The following WNK3 variants were observed in gnomAD, a reference collection of about 807,000 sequenced individuals.
WNK3 encodes the protein WNK lysine deficient protein kinase 3.
Under a neutral mutation model 116.7 loss-of-function variants are expected in WNK3, and 18 were observed. The observed-to-expected ratio is 0.15, with a 90% CI of 0.11 to 0.23. The LOEUF (loss-of-function observed/expected upper bound fraction) is 0.23, where lower values mean the gene tolerates loss of function less well. Among genes scored for constraint, WNK3 ranks in the 10% least tolerant of loss-of-function variants. The pLI is 1.00. For synonymous variants in WNK3, 404 were observed against 469.4 expected, an observed-to-expected ratio of 0.86 and a Z score of 1.80; for missense variants, 993 against 1,323.8, an observed-to-expected ratio of 0.75 and a Z score of 3.88.
At chrX:54,282,715 A>G (rs1557162816) in intron 10 of WNK3, among the ~76,000 whole-genome samples, 1 of 111,649 alleles carries the variant, frequency 9.0e-6, no homozygotes, top group Admixed American at 9.5e-5. Flanking sequence ...AGGCTATTCA[A>G]TGGGTGAATA....
At chrX:54,305,299 T>C (rs937781491) in intron 5 of WNK3, among the ~76,000 whole-genome samples, 16 of 112,052 alleles carry the variant, frequency 1.4e-4, no homozygotes, top group African/African-American at 5.2e-4. Context: ...GAAATAACCA[T>C]ACAATGAGTG....
intron 10 of WNK3, among the ~76,000 whole-genome samples, chrX:54,264,092 G>T (rs782357446): frequency 9.2e-6 from 1 of 108,312 alleles, no homozygotes; most frequent in African/African-American, 3.3e-5. Context: ...CAGCACTTTG[G>T]GAGGCTGAGG....
At position 54,209,805 on chromosome X, in the gene WNK3, C is replaced by G. The variant is rs973532152; in HGVS notation, c.4871-7612G>C. ...ACCTCAGGTGATCTGCTCACCTCAG[C>G]CTCCCCAAGTGTTGGGATTACAAGC... On this transcript the variant is annotated intron_variant, in intron 22 of 23. Transcript: ENST00000354646. 1.8e-4 allele frequency among the ~76,000 whole-genome samples: 20 copies of G among 110,497 alleles called. No homozygotes were observed. In the Admixed American group the frequency reaches 1.9e-3, roughly 10 times the overall value.
chrX:54,263,312 C>T (rs1187419250), intron 10 of WNK3, among the ~76,000 whole-genome samples: 10 of 112,089 alleles, frequency 8.9e-5, no homozygotes, highest in African/African-American at 2.9e-4. Context: ...GCATATCTCT[C>T]CCCTGAAGTA....
chrX:54,299,263 CATG>C (rs1388663476), intron 6 of WNK3, among the ~76,000 whole-genome samples: 1 of 111,194 alleles, frequency 9.0e-6, no homozygotes, highest in African/African-American at 3.3e-5. Context: ...ATATACACAG[CATG>C]ATATCCTGTA....
chrX:54,241,850 A>G (rs1569536381), intron 17 of WNK3, among the ~76,000 whole-genome samples: 2 of 109,117 alleles, frequency 1.8e-5, no homozygotes, highest in East Asian at 5.8e-4. Flanking sequence ...GCTACTTGGG[A>G]GGCTGAGGCA....
At chrX:54,235,278 A>C (rs2067949500) in intron 20 of WNK3, among the ~76,000 whole-genome samples, 1 of 111,689 alleles carries the variant, frequency 9.0e-6, no homozygotes, top group Non-Finnish European at 1.9e-5. Context: ...AACTTGACTA[A>C]AATCCAGCTT....
intron 22 of WNK3, among the ~76,000 whole-genome samples, chrX:54,226,772 G>T (rs1002612872): frequency 9.1e-6 from 1 of 110,453 alleles, no homozygotes; most frequent in South Asian, 3.8e-4. Context: ...CCTGGGAGGC[G>T]GACGTTGCAG....
At chrX:54,282,699 G>A (rs2068530843) in intron 10 of WNK3, among the ~76,000 whole-genome samples, 1 of 111,357 alleles carries the variant, frequency 9.0e-6, no homozygotes, top group African/African-American at 3.3e-5. Flanking sequence ...GTCAACAAGG[G>A]TGCCAAGGCT....
chrX:54,302,297 T>A (rs1330652742), intron 5 of WNK3, among the ~76,000 whole-genome samples: 1 of 111,076 alleles, frequency 9.0e-6, no homozygotes, highest in African/African-American at 3.3e-5. Context: ...ATAAACAAGT[T>A]TATTTATTTA....
chrX:54,337,285 G>C (rs1248522233), intron 1 of WNK3, among the ~76,000 whole-genome samples: 11 of 111,082 alleles, frequency 9.9e-5, no homozygotes, highest in African/African-American at 3.3e-4. Flanking sequence ...TCTTTGGCTG[G>C]GTGCGGTGGC....
chrX:54,215,278 G>T (rs1240288046), intron 22 of WNK3, among the ~76,000 whole-genome samples: 6 of 110,813 alleles, frequency 5.4e-5, no homozygotes, highest in East Asian at 5.8e-4. Context: ...CTTGGCTCAC[G>T]GCAACCTCCC....
chrX:54,357,799 A>G (rs2069616227), exon 1 of WNK3: 1 of 112,323 alleles, frequency 8.9e-6, no homozygotes, highest in Non-Finnish European at 1.9e-5. Flanking sequence ...AGACACATAC[A>G]CACACACCGC....
chrX:54,292,827 GA>G, intron 10 of WNK3, 60 bp downstream of exon 10: 1 of 1,099,691 alleles, frequency 9.1e-7, no homozygotes, highest in Non-Finnish European at 1.2e-6. Flanking sequence ...TTGCCTGTCA[GA>G]AAATCTAGGC....
intron 22 of WNK3, among the ~76,000 whole-genome samples, chrX:54,213,607 A>G (rs1315511810): frequency 9.3e-6 from 1 of 107,231 alleles, no homozygotes; most frequent in Non-Finnish European, 1.9e-5. Context: ...TGATCAAAAT[A>G]ACCACAAGGC....
At chrX:54,233,284 A>T (rs1456802686) in intron 20 of WNK3, among the ~76,000 whole-genome samples, 3 of 106,499 alleles carry the variant, frequency 2.8e-5, no homozygotes, top group Non-Finnish European at 5.8e-5. Context: ...AAAAAAATAC[A>T]AAAATTAGCT....
chrX:54,254,154 G>A (rs1010319403), intron 12 of WNK3, 79 bp from the exon 13 acceptor site: 11 of 570,690 alleles, frequency 1.9e-5, no homozygotes, highest in Non-Finnish European at 2.9e-5. Flanking sequence ...ATCTACACTA[G>A]TTCACGTACA....
At chrX:54,286,711 G>A (rs1437302123) in intron 10 of WNK3, among the ~76,000 whole-genome samples, 1 of 109,921 alleles carries the variant, frequency 9.1e-6, no homozygotes, top group Non-Finnish European at 1.9e-5. Flanking sequence ...TCAGGAGTGC[G>A]AGACCAGCCT....
At chrX:54,195,374 T>C (rs1557139840) in exon 24 of WNK3, 1 of 111,776 alleles carries the variant, frequency 8.9e-6, no homozygotes, top group Non-Finnish European at 1.9e-5. Context: ...CCTTTTTATA[T>C]AGTAGGCTCT....
Sources: gnomAD v4.1 joint callset for allele counts (sites outside exome capture counted in the v4.1 genomes callset) on GRCh38, gnomAD v4.1.1 for gene constraint, MANE v1.5 for transcripts, NCBI Gene and HGNC (gene_info 2026-07-23, HGNC 2026-07-21) for gene names.